The following RBFOX2 variants were observed in gnomAD, a reference collection of about 807,000 sequenced individuals.
RBFOX2 encodes the protein RNA binding protein fox-1 homolog 2.
Under a neutral mutation model 49.1 loss-of-function variants are expected in RBFOX2, and 10 were observed. The observed-to-expected ratio is 0.20, with a 90% CI of 0.13 to 0.35. The LOEUF is 0.35. RBFOX2 is among the 10% of genes least tolerant of loss of function. The pLI, the probability that RBFOX2 is intolerant of heterozygous loss-of-function variation, is 1.00. For missense variants in RBFOX2, 323 were observed against 486.9 expected (o/e 0.66, Z 3.17); for synonymous variants, 183 against 187.4 (o/e 0.98, Z 0.19).
chr22:35,742,783 T>C (rs757953831), exon 12 of RBFOX2: 13 of 152,406 alleles, frequency 8.5e-5, no homozygotes, highest in African/African-American at 1.7e-4. Context: ...TCTGGTGATA[T>C]AGAAGACCCT....
At chr22:35,754,063 G>A (rs1028622401) in intron 9 of RBFOX2, among the ~76,000 whole-genome samples, 1 of 146,588 alleles carries the variant, frequency 6.8e-6, no homozygotes, top group Admixed American at 6.8e-5. Context: ...GATTACACAC[G>A]TGAGCGATGA....
At chr22:35,990,910 G>C (rs2057951214) in intron 1 of RBFOX2, among the ~76,000 whole-genome samples, 1 of 152,146 alleles carries the variant, frequency 6.6e-6, no homozygotes, top group African/African-American at 2.4e-5. Flanking sequence ...TTGGAGAGGG[G>C]AGAGAGAGAA....
At chr22:35,822,961 T>A (rs1251631503) in intron 1 of RBFOX2, 1 of 328,926 alleles carries the variant, frequency 3.0e-6, no homozygotes, top group Non-Finnish European at 5.8e-6. Context: ...GTAGCTGGGA[T>A]TATAGGCACC....
intron 1 of RBFOX2, among the ~76,000 whole-genome samples, chr22:35,827,437 T>G (rs1955994089): frequency 6.6e-6 from 1 of 152,256 alleles, no homozygotes; most frequent in African/African-American, 2.4e-5. Context: ...GTATTTCTGC[T>G]AATGACTTTT....
chr22:35,797,706 T>G (rs1949029975), intron 2 of RBFOX2, among the ~76,000 whole-genome samples: 1 of 152,156 alleles, frequency 6.6e-6, no homozygotes, highest in South Asian at 2.1e-4. Flanking sequence ...ACAGCAAGAA[T>G]GTATTGGTAT....
intron 2 of RBFOX2, among the ~76,000 whole-genome samples, chr22:35,788,066 A>T (rs1946785816): frequency 6.6e-6 from 1 of 152,220 alleles, no homozygotes; most frequent in African/African-American, 2.4e-5. Flanking sequence ...TAAGTCTCAG[A>T]ATCTCATCCT....
intron 1 of RBFOX2, among the ~76,000 whole-genome samples, chr22:35,869,031 C>T (rs571176891): frequency 6.6e-6 from 1 of 152,250 alleles, no homozygotes; most frequent in East Asian, 1.9e-4. Context: ...TTCACAGAAA[C>T]CTCAATCCCT....
At chr22:35,896,635 C>G in intron 1 of RBFOX2, among the ~76,000 whole-genome samples, 1 of 152,166 alleles carries the variant, frequency 6.6e-6, no homozygotes, top group Non-Finnish European at 1.5e-5. Flanking sequence ...ATCACTTTTC[C>G]TTTTCTTTCA....
exon 1 of RBFOX2, chr22:35,840,383 T>C: frequency 6.6e-7 from 1 of 1,522,584 alleles, no homozygotes; most frequent in Middle Eastern, 1.9e-4. Context: ...TGTTTCTTCC[T>C]TTCTTTTCTC....
intron 1 of RBFOX2, among the ~76,000 whole-genome samples, chr22:35,960,055 T>C (rs550186589): frequency 6.6e-6 from 1 of 152,312 alleles, no homozygotes; most frequent in East Asian, 1.9e-4. Flanking sequence ...CCGTGGTTGG[T>C]TGAATGCACA....
At chr22:35,841,842 G>GT (rs1365892761), upstream of RBFOX2, among the ~76,000 whole-genome samples, 3 of 152,224 alleles carry the variant, frequency 2.0e-5, no homozygotes, top group East Asian at 1.9e-4. Flanking sequence ...AGAATACATA[G>GT]TTTTTTGCTG....
intron 1 of RBFOX2, among the ~76,000 whole-genome samples, chr22:36,015,492 A>G (rs977425060): frequency 1.3e-5 from 2 of 152,226 alleles, no homozygotes; most frequent in Non-Finnish European, 2.9e-5. Context: ...ATGTTCCTGG[A>G]AGCTTGTATA....
At chr22:35,767,771 G>A (rs535081749) in intron 5 of RBFOX2, among the ~76,000 whole-genome samples, 14 of 152,138 alleles carry the variant, frequency 9.2e-5, no homozygotes, top group South Asian at 2.1e-4. Flanking sequence ...CTTCTATTTC[G>A]TGCTTATCAT....
intron 11 of RBFOX2, 99 bp downstream of exon 13, chr22:35,745,824 T>A: frequency 8.1e-7 from 1 of 1,229,706 alleles, no homozygotes; most frequent in Non-Finnish European, 1.2e-6. Flanking sequence ...TGATGGTGGA[T>A]GAAAGGCTGA....
At position 35,906,130 on chromosome 22, in the gene RBFOX2, C is replaced by T. The variant is rs9607292; in HGVS notation, c.-34+32717G>A. 3.3e-3 allele frequency among the ~76,000 whole-genome samples: 508 copies of T among 152,116 alleles called. 2 individuals carry two copies. The highest frequency in any genetic ancestry group is 0.024 in the Middle Eastern group (7 of 294). Reference sequence around the variant, plus strand: ...CCTTATCATTAAGCCATGCATACCGCATATGTCATTAAGTGGAAAAAAGAA... The same window carrying T: ...CCTTATCATTAAGCCATGCATACCGTATATGTCATTAAGTGGAAAAAAGAA... On this transcript the variant is annotated intron_variant, in intron 1 of 13. Transcript: ENST00000359369.
intron 1 of RBFOX2, among the ~76,000 whole-genome samples, chr22:35,973,333 A>G (rs534273061): frequency 6.6e-6 from 1 of 152,340 alleles, no homozygotes; most frequent in East Asian, 1.9e-4. Flanking sequence ...AACTGTCTAA[A>G]CTTACAGGAG....
chr22:35,955,099 T>G (rs181146476), intron 1 of RBFOX2, among the ~76,000 whole-genome samples: 292 of 152,346 alleles, frequency 1.9e-3, no homozygotes, highest in Admixed American at 3.3e-3. Context: ...GCCCACGCTC[T>G]TTCAATTTGT....
intron 1 of RBFOX2, among the ~76,000 whole-genome samples, chr22:35,855,353 AAT>A (rs917834703): frequency 2.0e-5 from 3 of 152,180 alleles, no homozygotes; most frequent in African/African-American, 7.2e-5. Context: ...GAATTCAGAA[AAT>A]AGTCCTTCAT....
upstream of RBFOX2, among the ~76,000 whole-genome samples, chr22:35,962,822 G>A (rs1024593625): frequency 3.3e-5 from 5 of 151,986 alleles, no homozygotes; most frequent in Non-Finnish European, 7.4e-5. Flanking sequence ...TTCTAGAGAA[G>A]TAATTCCTTC....
Sources: allele counts gnomAD v4.1 joint callset (sites outside exome capture counted in the v4.1 genomes callset), GRCh38; gene constraint gnomAD v4.1.1; transcripts MANE v1.5; gene names NCBI Gene and HGNC (gene_info 2026-07-23, HGNC 2026-07-21).